KCNAB1: variants seen among roughly 807,000 people sequenced by gnomAD.
The protein encoded by KCNAB1 is voltage-gated potassium channel subunit beta-1.
In KCNAB1, 35 loss-of-function variants were observed where a neutral mutation model predicts 64.6. The observed-to-expected ratio is 0.54, with a 90% confidence interval of 0.41 to 0.72. The LOEUF is 0.72. Ranked by LOEUF, KCNAB1 falls within the 30% of genes least tolerant of loss-of-function variation. The probability of loss-of-function intolerance (pLI) is 0.00; values close to 1 mark genes in which losing one functional copy is unlikely to be tolerated. For missense variants in KCNAB1, 401 were observed against 512.9 expected (o/e 0.78, Z 2.11); for synonymous variants, 177 against 183.8 (o/e 0.96, Z 0.30).
Position 156,468,177 on chromosome 3 carries a change from T to C in KCNAB1, c.571+2491T>C, listed in dbSNP as rs533465452. Among the ~76,000 whole-genome samples the C allele has an allele frequency of 1.4e-4, 22 of 152,290 alleles. 1 individual carries two copies. The East Asian group carries it at 1.9e-3, about 13-fold the overall frequency. On this transcript the variant is annotated intron_variant, in intron 7 of 13. Transcript: ENST00000490337. ...TTTATTCCAACTTGGAAGCTGAAGA[T>C]CTTTATAGACCTATAAACAAGACTA...
intron 5 of KCNAB1, among the ~76,000 whole-genome samples, chr3:156,462,200 C>A (rs1358475061): frequency 6.6e-6 from 1 of 152,234 alleles, no homozygotes; most frequent in African/African-American, 2.4e-5. Flanking sequence ...TGACAATTTG[C>A]CAGGCTGCTG....
intron 8 of KCNAB1, among the ~76,000 whole-genome samples, chr3:156,477,803 C>T (rs1470511865): frequency 6.6e-6 from 1 of 152,066 alleles, no homozygotes; most frequent in African/African-American, 2.4e-5. Context: ...AATAAAGAGA[C>T]AGGACTGTCC....
chr3:156,173,312 G>A (rs550316462), intron 1 of KCNAB1, among the ~76,000 whole-genome samples: 20 of 152,258 alleles, frequency 1.3e-4, no homozygotes, highest in African/African-American at 4.8e-4. Context: ...GGGTGTTTCC[G>A]AGATGAGGGA....
At chr3:156,297,569 G>T (rs1430387797) in intron 1 of KCNAB1, among the ~76,000 whole-genome samples, 1 of 152,006 alleles carries the variant, frequency 6.6e-6, no homozygotes, top group Non-Finnish European at 1.5e-5. Context: ...AGAGAGTCAG[G>T]ACTATATGCA....
intron 1 of KCNAB1, among the ~76,000 whole-genome samples, chr3:156,201,933 G>A (rs886742384): frequency 1.3e-5 from 2 of 152,134 alleles, no homozygotes; most frequent in African/African-American, 4.8e-5. Context: ...GGAGGTATCT[G>A]GGTGCTTTAT....
chr3:156,175,613 G>A (rs979091678), intron 1 of KCNAB1, among the ~76,000 whole-genome samples: 8 of 152,202 alleles, frequency 5.3e-5, no homozygotes, highest in African/African-American at 1.9e-4. Context: ...GCGAGACTCT[G>A]TCTCAAAAAA....
intron 1 of KCNAB1, chr3:156,176,392 T>G (rs1712371115): frequency 1.3e-6 from 1 of 787,706 alleles, no homozygotes; most frequent in South Asian, 1.3e-5. Flanking sequence ...TCCCAAAGCT[T>G]AACTGTGCCA....
intron 1 of KCNAB1, among the ~76,000 whole-genome samples, chr3:156,284,956 A>G (rs546927401): frequency 9.2e-5 from 14 of 152,310 alleles, no homozygotes; most frequent in Admixed American, 8.5e-4. Context: ...TGTAGACCAG[A>G]GCTGTTCCTA....
At chr3:156,300,837 A>G (rs532998595) in intron 1 of KCNAB1, among the ~76,000 whole-genome samples, 133 of 152,356 alleles carry the variant, frequency 8.7e-4, no homozygotes, top group African/African-American at 3.0e-3. Flanking sequence ...ATAGGTTTCA[A>G]TGATAGTTGA....
chr3:156,220,859 T>A (rs546728043), intron 1 of KCNAB1, among the ~76,000 whole-genome samples: 2 of 152,364 alleles, frequency 1.3e-5, no homozygotes, highest in South Asian at 4.2e-4. Context: ...GGTCTTACAT[T>A]TAAGTCTTTA....
chr3:156,265,958 C>G (rs941805199), intron 1 of KCNAB1, among the ~76,000 whole-genome samples: 1 of 152,146 alleles, frequency 6.6e-6, no homozygotes, highest in Non-Finnish European at 1.5e-5. Context: ...CACCACTGCA[C>G]TCCAGCCTGG....
intron 11 of KCNAB1, among the ~76,000 whole-genome samples, chr3:156,520,233 T>C (rs1717849317): frequency 6.6e-6 from 1 of 152,124 alleles, no homozygotes; most frequent in African/African-American, 2.4e-5. Flanking sequence ...TAGAAATAAA[T>C]AGTGCAATAA....
chr3:156,531,323 G>A (rs1488725315), intron 12 of KCNAB1, 86 bp from the exon 13 acceptor site: 2 of 1,011,182 alleles, frequency 2.0e-6, no homozygotes, highest in Non-Finnish European at 3.2e-6. Flanking sequence ...AATTTTGGCT[G>A]CAACAAACAG....
At chr3:156,271,590 TTC>T (rs960971268) in intron 1 of KCNAB1, among the ~76,000 whole-genome samples, 8 of 152,226 alleles carry the variant, frequency 5.3e-5, no homozygotes, top group African/African-American at 1.9e-4. Flanking sequence ...TCTGAATTCC[TTC>T]TCTGTGTTAG....
intron 5 of KCNAB1, among the ~76,000 whole-genome samples, chr3:156,462,367 A>G (rs1576897781): frequency 6.6e-6 from 1 of 152,350 alleles, no homozygotes; most frequent in Non-Finnish European, 1.5e-5. Flanking sequence ...TTTTTATAAT[A>G]TTCCATCCAG....
intron 1 of KCNAB1, among the ~76,000 whole-genome samples, chr3:156,267,218 C>T (rs1449990376): frequency 2.0e-5 from 3 of 152,096 alleles, no homozygotes; most frequent in Admixed American, 6.5e-5. Flanking sequence ...TTTTTCAGCT[C>T]ATAGTGCATA....
At chr3:156,331,905 A>G (rs1393432177) in intron 1 of KCNAB1, among the ~76,000 whole-genome samples, 3 of 152,138 alleles carry the variant, frequency 2.0e-5, no homozygotes, top group Non-Finnish European at 4.4e-5. Flanking sequence ...CCAGACAAAC[A>G]TTAAGAAAGG....
Position 156,445,704 on chromosome 3 carries a change from A to C in KCNAB1, c.320-7195A>C, listed in dbSNP as rs1430835721. ...ATGGCTAAAATTTAAAATTTAAATT[A>C]AACTTAAACTTAGTCCCTGATCTCA... is the stretch of plus-strand genomic sequence containing the variant. On this transcript the variant is annotated intron_variant, in intron 2 of 13. Transcript: ENST00000490337. 2.6e-5 allele frequency among the ~76,000 whole-genome samples: 4 copies of C among 152,348 alleles called. No individual in the cohort carries two copies. In the South Asian group the frequency reaches 8.3e-4, roughly 32 times the overall value.
At chr3:156,173,951 C>T (rs4130599) in intron 1 of KCNAB1, among the ~76,000 whole-genome samples, 2,170 of 152,318 alleles carry the variant, frequency 0.014, 18 homozygotes, top group Non-Finnish European at 0.021. Flanking sequence ...GGACGTTGGC[C>T]TTCTGCCCTC....
Sources: allele counts gnomAD v4.1 joint callset (sites outside exome capture counted in the v4.1 genomes callset), GRCh38; gene constraint gnomAD v4.1.1; transcripts MANE v1.5; gene names NCBI Gene and HGNC (gene_info 2026-07-23, HGNC 2026-07-21).